ZDHHC18: variants seen among roughly 807,000 people sequenced by gnomAD.
ZDHHC18 encodes the protein palmitoyltransferase ZDHHC18.
In ZDHHC18, 23 loss-of-function variants were observed where a neutral mutation model predicts 37.5. The observed-to-expected ratio is 0.61, with a 90% CI of 0.44 to 0.87. ZDHHC18 has a LOEUF of 0.87. ZDHHC18 is among the 40% of genes least tolerant of loss of function. The probability of loss-of-function intolerance (pLI) is 0.00; values close to 1 mark genes in which losing one functional copy is unlikely to be tolerated. For missense variants in ZDHHC18, 406 were observed against 525.6 expected, an observed-to-expected ratio of 0.77 and a Z score of 2.22; for synonymous variants, 185 against 218.7, an observed-to-expected ratio of 0.85 and a Z score of 1.36.
chr1:26,832,397 G>A lies in ZDHHC18; in HGVS notation c.336-50G>A, dbSNP rs200854397. The A allele has an allele frequency of 9.0e-5, 144 of 1,605,038 alleles. 1 individual carries two copies. The African/African-American group carries it at 1.3e-3, about 15-fold the overall frequency. ...CTGCCACGTGCTGTAGCCCTGTGCC[G>A]CAGGGAGCCCTTGGGGTGTCTGCTG... On this transcript the variant is annotated intron_variant, in intron 1 of 7. Coordinates refer to ENST00000374142, the MANE Select transcript of ZDHHC18 (RefSeq NM_032283.3).
At chr1:26,837,145 C>T (rs985803482) in intron 2 of ZDHHC18, among the ~76,000 whole-genome samples, 4 of 147,384 alleles carry the variant, frequency 2.7e-5, no homozygotes, top group Non-Finnish European at 6.0e-5. Flanking sequence ...CCCAGCTACT[C>T]GGGAGGCTGA....
At chr1:26,837,393 G>A (rs986350992) in intron 2 of ZDHHC18, among the ~76,000 whole-genome samples, 3 of 145,524 alleles carry the variant, frequency 2.1e-5, no homozygotes, top group Non-Finnish European at 4.5e-5. Context: ...TATTTAATAT[G>A]CATAATATGT....
At chr1:26,829,721 A>T (rs1049689611) in intron 1 of ZDHHC18, among the ~76,000 whole-genome samples, 6 of 152,238 alleles carry the variant, frequency 3.9e-5, no homozygotes, top group African/African-American at 1.4e-4. Context: ...TACTTATTGA[A>T]TGAATGAATT....
At chr1:26,832,821 C>T (rs1243659333) in intron 2 of ZDHHC18, among the ~76,000 whole-genome samples, 1 of 152,206 alleles carries the variant, frequency 6.6e-6, no homozygotes, top group East Asian at 1.9e-4. Context: ...CAGCAAAGGC[C>T]CCGATGGCAG....
In ZDHHC18 at chr1:26,832,606, C is replaced by A. The variant is rs749963236; in HGVS notation, c.495C>A (p.Ile165=). The change falls in exon 2 of 8, where the codon ATC becomes ATA. Residue 165 remains isoleucine (I), a splice_region_variant and synonymous_variant. Transcript: ENST00000374142. ...AAGCAGCCGCCCTGGAGAAACAGAT[C>A]GGTGAGGTTTCTACTCCCAGCTGAA... is the stretch of plus-strand genomic sequence containing the variant. ...VCEAAALEKQ[I]DNTGSSTYRP... is the part of the protein sequence containing the mutation. 1.2e-6 allele frequency: 2 copies of A among 1,613,804 alleles called. No homozygotes were observed. The highest frequency in any genetic ancestry group is 2.2e-5 in the East Asian group (1 of 44,902).
chr1:26,826,973 A>G lies in ZDHHC18; in HGVS notation c.169A>G (p.Ser57Gly). ...RWSSSGSGSG[S>G]GSGSLGRRPR... ...GAGCAGCAGCGGCAGCGGCAGCGGCAGCGGGAGCGGGAGCCTCGGCCGCCG... is the reference window on the plus strand; with the variant it reads ...GAGCAGCAGCGGCAGCGGCAGCGGCGGCGGGAGCGGGAGCCTCGGCCGCCG... Residue 57 changes from serine (S) to glycine (G), a missense_variant, in exon 1 of 8, where the codon AGC (serine) becomes GGC (glycine). By Grantham distance (56) the Ser-to-Gly change is moderately conservative (BLOSUM62 0). Coordinates refer to ENST00000374142, the MANE Select transcript of ZDHHC18 (RefSeq NM_032283.3). The surrounding 1 kb of genome is among the most constrained non-coding windows in gnomAD (Gnocchi z 5.2). 8.2e-7 allele frequency: 1 copy of G among 1,220,032 alleles called. No individual in the cohort carries two copies. 75.6% of individuals were successfully genotyped at this position (1,220,032 alleles called of 1,614,324 possible). A position where few individuals can be genotyped will look rare whatever the true frequency, so the allele number is the denominator to read the frequency against.
At chr1:26,837,252 C>CAA (rs201031285) in intron 2 of ZDHHC18, among the ~76,000 whole-genome samples, 24,899 of 126,100 alleles carry the variant, frequency 0.2, 2,804 homozygotes, top group Middle Eastern at 0.3. Context: ...GACTCTGTCT[C>CAA]AAAAAAAATA....
intron 2 of ZDHHC18, among the ~76,000 whole-genome samples, chr1:26,839,513 G>A (rs2081628108): frequency 6.6e-6 from 1 of 152,138 alleles, no homozygotes; most frequent in African/African-American, 2.4e-5. Flanking sequence ...CACATAGTAG[G>A]TGCTCATGTG....
intron 2 of ZDHHC18, among the ~76,000 whole-genome samples, chr1:26,842,670 A>G (rs1219960424): frequency 6.6e-6 from 1 of 152,264 alleles, no homozygotes; most frequent in East Asian, 1.9e-4. Flanking sequence ...ATTTTAGGGA[A>G]GAAATGCTCA....
At chr1:26,846,467 C>T (rs938040877) in intron 2 of ZDHHC18, among the ~76,000 whole-genome samples, 1 of 150,048 alleles carries the variant, frequency 6.7e-6, no homozygotes, top group South Asian at 2.1e-4. Flanking sequence ...GCTGGGACTA[C>T]AGGCGCCCGC....
At position 26,846,375 on chromosome 1, in the gene ZDHHC18, G is replaced by GGAGTGCA. The variant is rs2081666443; in HGVS notation, c.497-2231_497-2225dup. 2.4e-5 allele frequency among the ~76,000 whole-genome samples: 3 copies of GGAGTGCA among 122,538 alleles called. No homozygotes were observed. In the South Asian group the frequency reaches 8.2e-4, roughly 33 times the overall value. The allele number at this position is 122,538 out of a possible 152,430, so 80.4% of individuals were successfully genotyped here. A position where few individuals can be genotyped will look rare whatever the true frequency, so the allele number is the denominator to read the frequency against. ...AGAGTCTCGCTCTGTCTCCCAGGCT[G>GGAGTGCA]GAGTGCAGTGGCCCAATCTCGGCTC... On this transcript the variant is annotated intron_variant, in intron 2 of 7. Transcript: ENST00000374142.
intron 2 of ZDHHC18, among the ~76,000 whole-genome samples, chr1:26,844,995 A>G (rs1356658020): frequency 6.7e-6 from 1 of 149,288 alleles, no homozygotes; most frequent in Non-Finnish European, 1.5e-5. Flanking sequence ...ATCTCGGCTC[A>G]CTGCAATCTC....
chr1:26,847,888 T>G (rs183493088), intron 2 of ZDHHC18, among the ~76,000 whole-genome samples: 1 of 152,312 alleles, frequency 6.6e-6, no homozygotes. Flanking sequence ...TTGTTAGAGA[T>G]CAGGCCAGCA....
intron 1 of ZDHHC18, among the ~76,000 whole-genome samples, 154 bp downstream of exon 1, chr1:26,827,293 C>G (rs2081562798): frequency 6.6e-6 from 1 of 151,176 alleles, no homozygotes; most frequent in African/African-American, 2.4e-5. Flanking sequence ...TGTCTGCCCC[C>G]CTGGCCCCTG....
intron 2 of ZDHHC18, among the ~76,000 whole-genome samples, chr1:26,847,322 C>T (rs1316082149): frequency 1.3e-5 from 2 of 151,992 alleles, no homozygotes; most frequent in Non-Finnish European, 2.9e-5. Context: ...AATGATCCTC[C>T]CACCTCAGCC....
intron 2 of ZDHHC18, among the ~76,000 whole-genome samples, chr1:26,846,270 A>ATGTGTGTGTG (rs1451070196): frequency 3.1e-5 from 3 of 97,418 alleles, no homozygotes; most frequent in African/African-American, 1.2e-4. Context: ...CTATAGAGAT[A>ATGTGTGTGTG]TATGTGTGTG....
At chr1:26,848,535 G>A (rs2081684609) in intron 2 of ZDHHC18, 73 bp from the exon 3 acceptor site, 1 of 1,564,420 alleles carries the variant, frequency 6.4e-7, no homozygotes, top group African/African-American at 1.3e-5. Flanking sequence ...GGCAGCAGTA[G>A]CTTTCCCCTG....
At chr1:26,841,990 C>T (rs982941027) in intron 2 of ZDHHC18, among the ~76,000 whole-genome samples, 2 of 152,062 alleles carry the variant, frequency 1.3e-5, no homozygotes, top group Non-Finnish European at 2.9e-5. Flanking sequence ...AAAAAATTAG[C>T]CAGGCATGGT....
chr1:26,854,068 G>A lies in ZDHHC18; in HGVS notation c.*225G>A. ...GGGCCCTAGGTACCCCAGCTGATCA[G>A]TGCCAGGAGAGACCAGAGCCTCTGG... On this transcript the variant is annotated 3_prime_UTR_variant, in exon 8 of 8. Coordinates refer to ENST00000374142, the MANE Select transcript of ZDHHC18 (RefSeq NM_032283.3). The surrounding 1 kb of genome is among the most constrained non-coding windows in gnomAD (Gnocchi z 4.6). The A allele has an allele frequency of 1.8e-6, 1 of 545,128 alleles. No homozygotes were observed. The highest frequency in any genetic ancestry group is 3.1e-5 in the East Asian group (1 of 32,614). The allele number at this position is 545,128 out of a possible 1,614,324, so 33.8% of individuals were successfully genotyped here. A position where few individuals can be genotyped will look rare whatever the true frequency, so the allele number is the denominator to read the frequency against.
Sources: allele counts gnomAD v4.1 joint callset (sites outside exome capture counted in the v4.1 genomes callset), GRCh38; gene constraint gnomAD v4.1.1; non-coding constraint Gnocchi (gnomAD v3.1); transcripts MANE v1.5; gene names NCBI Gene and HGNC (gene_info 2026-07-23, HGNC 2026-07-21).